MCTP1: variants seen among roughly 807,000 people sequenced by gnomAD.
MCTP1 encodes multiple C2 and transmembrane domain-containing protein 1.
A neutral mutation model predicts 120.6 loss-of-function variants in MCTP1; 69 were observed. That is an observed-to-expected ratio of 0.57 (90% CI 0.47 to 0.70). The LOEUF (loss-of-function observed/expected upper bound fraction) is 0.70. Among genes scored for constraint, MCTP1 ranks in the 30% least tolerant of loss-of-function variants. The pLI is 0.00. For missense variants in MCTP1, 1,203 were observed against 1,248.8 expected, an observed-to-expected ratio of 0.96 and a Z score of 0.55; for synonymous variants, 529 against 493.1, an observed-to-expected ratio of 1.07 and a Z score of -0.96.
At chr5:94,793,293 G>A (rs1779358373) in intron 18 of MCTP1, 1 of 152,170 alleles carries the variant, frequency 6.6e-6, no homozygotes, top group Non-Finnish European at 1.5e-5. Context: ...CAAGGGATAA[G>A]CTTTCTACCA....
chr5:95,013,863 T>C (rs894279448), intron 2 of MCTP1, among the ~76,000 whole-genome samples: 1 of 152,144 alleles, frequency 6.6e-6, no homozygotes, highest in Non-Finnish European at 1.5e-5. Flanking sequence ...AATTTAAGAA[T>C]ACATTCTGTA....
In MCTP1 at chr5:95,206,928, T is replaced by C. The variant is rs541952599; in HGVS notation, c.720+76928A>G. The stretch of plus-strand genomic sequence containing the variant: ...TAATTTAACATTTATTAAATGTTGA[T>C]ATATATGATTTCAGGAAATTTGTTC... On this transcript the variant is annotated intron_variant, in intron 1 of 22. Transcript: ENST00000515393. 2.2e-4 allele frequency among the ~76,000 whole-genome samples: 34 copies of C among 152,358 alleles called. No individual in the cohort carries two copies. The South Asian group carries it at 7.0e-3, about 32-fold the overall frequency.
intron 17 of MCTP1, among the ~76,000 whole-genome samples, chr5:94,831,843 AT>A (rs1433378798): frequency 6.6e-6 from 1 of 152,228 alleles, no homozygotes; most frequent in Non-Finnish European, 1.5e-5. Context: ...AGGATCACTA[AT>A]TCTAGGCATA....
At chr5:95,053,878 A>G (rs905247946) in intron 1 of MCTP1, among the ~76,000 whole-genome samples, 4 of 152,166 alleles carry the variant, frequency 2.6e-5, no homozygotes, top group African/African-American at 9.7e-5. Flanking sequence ...ATAAGATTGA[A>G]TTTAAGGCTT....
intron 1 of MCTP1, among the ~76,000 whole-genome samples, chr5:95,210,280 G>T (rs1297240011): frequency 6.6e-6 from 1 of 151,682 alleles, no homozygotes; most frequent in African/African-American, 2.4e-5. Context: ...GGGGTGTTAA[G>T]GTCTCCCATT....
At chr5:95,244,041 CAG>C (rs201946757) in intron 1 of MCTP1, among the ~76,000 whole-genome samples, 348 of 152,252 alleles carry the variant, frequency 2.3e-3, no homozygotes, top group African/African-American at 7.8e-3. Context: ...CCTTAAAAGA[CAG>C]AGAGAGTATC....
chr5:95,060,014 G>T (rs1748509980), intron 1 of MCTP1, among the ~76,000 whole-genome samples: 1 of 152,214 alleles, frequency 6.6e-6, no homozygotes, highest in African/African-American at 2.4e-5. Flanking sequence ...AGGGTCTTTG[G>T]TGGGACAGAA....
intron 3 of MCTP1, among the ~76,000 whole-genome samples, chr5:94,949,888 C>A (rs930351062): frequency 6.6e-6 from 1 of 152,064 alleles, no homozygotes; most frequent in Non-Finnish European, 1.5e-5. Context: ...CTCAAACACA[C>A]AGGCCTGCAT....
intron 5 of MCTP1, among the ~76,000 whole-genome samples, chr5:94,938,356 T>C (rs71641030): frequency 0.099 from 15,031 of 152,028 alleles, 861 homozygotes; most frequent in African/African-American, 0.15. Context: ...TGTCTTTGCT[T>C]CCACCTTCTC....
intron 1 of MCTP1, among the ~76,000 whole-genome samples, chr5:95,118,182 G>A (rs1386961491): frequency 6.6e-6 from 1 of 152,098 alleles, no homozygotes; most frequent in Non-Finnish European, 1.5e-5. Context: ...TAACAAACCT[G>A]TACATCCTGC....
chr5:95,063,529 A>C (rs1749804431), intron 1 of MCTP1, among the ~76,000 whole-genome samples: 1 of 152,258 alleles, frequency 6.6e-6, no homozygotes, highest in African/African-American at 2.4e-5. Flanking sequence ...GCTCACAAGG[A>C]AACATTTATT....
chr5:95,233,325 C>T (rs996491550), intron 1 of MCTP1, among the ~76,000 whole-genome samples: 5 of 148,750 alleles, frequency 3.4e-5, no homozygotes, highest in South Asian at 2.1e-4. Context: ...AAATGGCATA[C>T]TTCTTTTTTT....
At chr5:94,717,775 T>C (rs1759852887) in intron 19 of MCTP1, among the ~76,000 whole-genome samples, 1 of 151,994 alleles carries the variant, frequency 6.6e-6, no homozygotes, top group African/African-American at 2.4e-5. Flanking sequence ...TCACAATTGC[T>C]ACAAAGAGAA....
At chr5:95,041,299 AG>A (rs1407788057) in intron 1 of MCTP1, among the ~76,000 whole-genome samples, 2 of 149,226 alleles carry the variant, frequency 1.3e-5, no homozygotes, top group Admixed American at 6.7e-5. Context: ...TAATGCCAAA[AG>A]CCCATGCTCT....
At chr5:95,165,373 A>T (rs1281497983) in intron 1 of MCTP1, among the ~76,000 whole-genome samples, 1 of 152,174 alleles carries the variant, frequency 6.6e-6, no homozygotes, top group Non-Finnish European at 1.5e-5. Flanking sequence ...GCAGTGTACA[A>T]TCTTTGATAT....
intron 16 of MCTP1, 63 bp downstream of exon 16, chr5:94,870,354 C>T: frequency 9.0e-7 from 1 of 1,108,990 alleles, no homozygotes; most frequent in Non-Finnish European, 1.4e-6. Flanking sequence ...TTTGAATTTA[C>T]TTAGATGTTT....
chr5:95,281,635 G>T (rs1760326758), intron 1 of MCTP1, among the ~76,000 whole-genome samples: 1 of 152,102 alleles, frequency 6.6e-6, no homozygotes, highest in Non-Finnish European at 1.5e-5. Flanking sequence ...CTTATTTTTT[G>T]AAAGATATTT....
chr5:94,713,721 G>A (rs1444819182), intron 20 of MCTP1, among the ~76,000 whole-genome samples: 5 of 152,146 alleles, frequency 3.3e-5, no homozygotes, highest in Admixed American at 2.0e-4. Context: ...GAGTGAGATG[G>A]GGGCTGTTCT....
chr5:94,925,477 C>T (rs372659208), intron 6 of MCTP1, among the ~76,000 whole-genome samples: 2 of 151,848 alleles, frequency 1.3e-5, no homozygotes, highest in East Asian at 3.9e-4. Flanking sequence ...GGCGCAATCT[C>T]GGCTCACTGC....
Sources: gnomAD v4.1 joint callset for allele counts (sites outside exome capture counted in the v4.1 genomes callset) on GRCh38, gnomAD v4.1.1 for gene constraint, MANE v1.5 for transcripts, NCBI Gene and HGNC (gene_info 2026-07-23, HGNC 2026-07-21) for gene names.